MYH14: variants seen among roughly 807,000 people sequenced by gnomAD.
The protein encoded by MYH14 is myosin heavy chain 14, also known as myosin-14.
A neutral mutation model predicts 255.5 loss-of-function variants in MYH14; 123 were observed. The ratio of observed to expected loss-of-function variants is 0.48; its 90% confidence interval spans 0.42 to 0.56. The LOEUF is 0.56. Ranked by LOEUF, MYH14 falls within the 20% of genes least tolerant of loss-of-function variation. The pLI is 0.00. For missense variants in MYH14, 2,423 were observed against 2,802.3 expected, an observed-to-expected ratio of 0.86 and a Z score of 3.06; for synonymous variants, 1,095 against 1,161.2, an observed-to-expected ratio of 0.94 and a Z score of 1.16.
At chr19:50,269,093 T>C (rs1221655145) in intron 24 of MYH14, among the ~76,000 whole-genome samples, 1 of 152,266 alleles carries the variant, frequency 6.6e-6, no homozygotes, top group Non-Finnish European at 1.5e-5. Flanking sequence ...TGGTTTTAAA[T>C]TTAAAATAAA....
intron 1 of MYH14, among the ~76,000 whole-genome samples, chr19:50,209,412 C>G (rs10405123): frequency 0.079 from 12,052 of 152,074 alleles, 818 homozygotes; most frequent in African/African-American, 0.19. Context: ...CTTTGGGAGG[C>G]TGAAGAGGGT....
chr19:50,237,263 A>C (rs2033698631), intron 10 of MYH14, among the ~76,000 whole-genome samples: 3 of 152,006 alleles, frequency 2.0e-5, no homozygotes, highest in East Asian at 1.9e-4. Context: ...TCCATCAATG[A>C]TGAACCGGTG....
At position 50,292,249 on chromosome 19, in the gene MYH14, C is replaced by T. The variant is rs372261958; in HGVS notation, c.5128-12C>T. The T allele has an allele frequency of 5.1e-5, 81 of 1,598,406 alleles. No homozygotes were observed. The highest frequency in any genetic ancestry group is 1.1e-4 in the African/African-American group (8 of 74,566). Reference sequence around the variant, plus strand: ...CCAGGCTGAGCCCATCTACCTATTCCGTTCCACCCAGGCCCAGATGAAGGA... The same window carrying T: ...CCAGGCTGAGCCCATCTACCTATTCTGTTCCACCCAGGCCCAGATGAAGGA... On this transcript the variant is annotated splice_polypyrimidine_tract_variant and intron_variant, in intron 36 of 42. Coordinates refer to ENST00000642316, the MANE Select transcript of MYH14 (RefSeq NM_001145809.2).
chr19:50,270,003 A>G (rs1177663190), intron 24 of MYH14, among the ~76,000 whole-genome samples: 1 of 152,202 alleles, frequency 6.6e-6, no homozygotes, highest in Non-Finnish European at 1.5e-5. Context: ...TCTTAAGCCC[A>G]GAGGTTCAAG....
chr19:50,265,349 CAAA>C (rs768369689), intron 22 of MYH14, among the ~76,000 whole-genome samples: 3 of 96,556 alleles, frequency 3.1e-5, no homozygotes, highest in Admixed American at 2.2e-4. Context: ...CTCATCTCTA[CAAA>C]AAAAAAAAAA....
rs897395450 is a variant in MYH14 at position 50,252,536 on chromosome 19, G to C, written c.1831-103G>C. ...ACCAGTGCTCGCTTGTCCATGGTGA[G>C]CTCCAGACCTGGGAGTCTCAGAGCT... On this transcript the variant is annotated intron_variant, in intron 15 of 42. Coordinates refer to ENST00000642316, the MANE Select transcript of MYH14 (RefSeq NM_001145809.2). The surrounding 1 kb of genome is among the most constrained non-coding windows in gnomAD (Gnocchi z 4.2). 44 of 784,208 alleles carry C rather than the reference G, an allele frequency of 5.6e-5. No individual in the cohort carries two copies. The African/African-American group carries it at 7.7e-4, about 14-fold the overall frequency. 48.6% of individuals were successfully genotyped at this position (784,208 alleles called of 1,614,324 possible).
intron 34 of MYH14, among the ~76,000 whole-genome samples, chr19:50,288,240 C>T (rs78106619): frequency 0.033 from 5,055 of 152,298 alleles, 257 homozygotes; most frequent in African/African-American, 0.097. Flanking sequence ...GTCTTGACAT[C>T]CTTATTTCTT....
At chr19:50,245,113 C>A (rs2034050758) in intron 11 of MYH14, among the ~76,000 whole-genome samples, 1 of 152,046 alleles carries the variant, frequency 6.6e-6, no homozygotes, top group Non-Finnish European at 1.5e-5. Context: ...AAAAATCTGG[C>A]ATGACAGAAA....
chr19:50,274,800 A>C (rs1053817801), intron 27 of MYH14, among the ~76,000 whole-genome samples: 6 of 152,020 alleles, frequency 3.9e-5, no homozygotes, highest in African/African-American at 7.2e-5. Flanking sequence ...GCATGGTGGC[A>C]TGTGCCTGTA....
chr19:50,278,323 G>C, intron 30 of MYH14, 34 bp downstream of exon 30: 2 of 1,460,760 alleles, frequency 1.4e-6, no homozygotes, highest in East Asian at 2.5e-5. Context: ...GGTTTCTGCT[G>C]TGTGACCTTG....
At position 50,252,566 on chromosome 19, in the gene MYH14, G is replaced by C. The variant is rs1348771168; in HGVS notation, c.1831-73G>C. 8.5e-6 allele frequency: 9 copies of C among 1,062,830 alleles called. No homozygotes were observed. Among genetic ancestry groups the C allele is most frequent in the Non-Finnish European group, 1.3e-5 (9 of 703,578 alleles). The allele number at this position is 1,062,830 out of a possible 1,614,324, so 65.8% of individuals were successfully genotyped here. A position where few individuals can be genotyped will look rare whatever the true frequency, so the allele number is the denominator to read the frequency against. Reference sequence around the variant, plus strand: ...AGACCTGGGAGTCTCAGAGCTTCTGGAAGGCTCCTTAGGAAATCCAGAGAA... The same window carrying C: ...AGACCTGGGAGTCTCAGAGCTTCTGCAAGGCTCCTTAGGAAATCCAGAGAA... On this transcript the variant is annotated intron_variant, in intron 15 of 42. Transcript: ENST00000642316. This position sits in a 1 kb window ranked among gnomAD's most constrained non-coding sequence, Gnocchi z 4.2.
chr19:50,272,193 C>T (rs1775012258), intron 26 of MYH14, among the ~76,000 whole-genome samples: 1 of 152,190 alleles, frequency 6.6e-6, no homozygotes, highest in South Asian at 2.1e-4. Flanking sequence ...CCTTTCTTCC[C>T]ATCTGACTGT....
rs1188002047 is a variant in MYH14 at position 50,224,152 on chromosome 19, A to G, written c.694-2A>G. 5 of 1,612,546 alleles carry G rather than the reference A, an allele frequency of 3.1e-6. No individual in the cohort carries two copies. Among genetic ancestry groups the G allele is most frequent in the Non-Finnish European group, 1.7e-6 (2 of 1,179,662 alleles). The stretch of plus-strand genomic sequence containing the variant: ...GTGTCTCGTGTCCCGTGACTTCCTC[A>G]GGCCTCCGTCAGCACCGTGTCTTAT... On this transcript the variant is annotated splice_acceptor_variant, in intron 5 of 42. Coordinates refer to ENST00000642316, the MANE Select transcript of MYH14 (RefSeq NM_001145809.2). LOFTEE classifies it high-confidence loss of function.
At position 50,266,720 on chromosome 19, in the gene MYH14, G is replaced by A. The variant is rs1359927046; in HGVS notation, c.2695-157G>A. ...TAGTGGTGCTTGCCTGTACCTGTCAGTGTTCTAGGCCTGTGACCAGGGACT... is the reference window on the plus strand; with the variant it reads ...TAGTGGTGCTTGCCTGTACCTGTCAATGTTCTAGGCCTGTGACCAGGGACT... On this transcript the variant is annotated intron_variant, in intron 22 of 42. Coordinates refer to ENST00000642316, the MANE Select transcript of MYH14 (RefSeq NM_001145809.2). This position sits in a 1 kb window ranked among gnomAD's most constrained non-coding sequence, Gnocchi z 4.1. Among the ~76,000 whole-genome samples, 1 of 152,258 alleles carries A rather than the reference G, an allele frequency of 6.6e-6. No individual in the cohort carries two copies. Among genetic ancestry groups the A allele is most frequent in the African/African-American group, 2.4e-5 (1 of 41,470 alleles).
intron 5 of MYH14, among the ~76,000 whole-genome samples, chr19:50,223,774 A>G (rs1251443213): frequency 1.3e-5 from 2 of 152,110 alleles, no homozygotes; most frequent in Non-Finnish European, 2.9e-5. Flanking sequence ...GAGCCCAGGC[A>G]TGGGAGGGGT....
intron 6 of MYH14, chr19:50,224,770 C>T (rs2033012992): frequency 2.2e-6 from 1 of 456,328 alleles, no homozygotes. Context: ...TGCCAGACTG[C>T]TTGAAGCACT....
At chr19:50,224,032 T>TTG in intron 5 of MYH14, 122 bp from the exon 6 acceptor site, 17 of 610,298 alleles carry the variant, frequency 2.8e-5, no homozygotes, top group Non-Finnish European at 2.7e-5. Context: ...ATGCCCGGTT[T>TTG]CCCCAGTCCC....
intron 10 of MYH14, among the ~76,000 whole-genome samples, chr19:50,234,207 G>A (rs1205535639): frequency 6.6e-6 from 1 of 152,046 alleles, no homozygotes; most frequent in Non-Finnish European, 1.5e-5. Context: ...GAGGTCCTGG[G>A]GTTTAGATCC....
chr19:50,309,931 C>T lies in MYH14; in HGVS notation c.*141C>T, dbSNP rs1057321857. 4.7e-6 allele frequency: 4 copies of T among 852,536 alleles called. No individual in the cohort carries two copies. The highest frequency in any genetic ancestry group is 7.7e-6 in the Non-Finnish European group (4 of 522,054). 52.8% of individuals were successfully genotyped at this position (852,536 alleles called of 1,614,324 possible). Reference sequence around the variant, plus strand: ...TGCAGCACTCTGGCATTTATCACCCCCACCTGGGTCCCCTGCAACCTCCCA... The same window carrying T: ...TGCAGCACTCTGGCATTTATCACCCTCACCTGGGTCCCCTGCAACCTCCCA... On this transcript the variant is annotated 3_prime_UTR_variant, in exon 43 of 43. Transcript: ENST00000642316.
Sources: gnomAD v4.1 joint callset for allele counts (sites outside exome capture counted in the v4.1 genomes callset) on GRCh38, gnomAD v4.1.1 for gene constraint, Gnocchi (gnomAD v3.1) non-coding constraint, MANE v1.5 for transcripts, NCBI Gene and HGNC (gene_info 2026-07-23, HGNC 2026-07-21) for gene names.